The following MAST2 variants were observed in gnomAD, a reference collection of about 807,000 sequenced individuals.
The protein encoded by MAST2 is microtubule-associated serine/threonine-protein kinase 2.
Under a neutral mutation model 147.4 loss-of-function variants are expected in MAST2, and 70 were observed. That is an observed-to-expected ratio of 0.47 (90% CI 0.39 to 0.58). MAST2 has a LOEUF of 0.58. Among genes scored for constraint, MAST2 ranks in the 20% least tolerant of loss-of-function variants. The pLI, the probability that MAST2 is intolerant of heterozygous loss-of-function variation, is 0.00. For missense variants in MAST2, 2,080 were observed against 2,302.3 expected (o/e 0.90, Z 1.98); for synonymous variants, 869 against 896.8 (o/e 0.97, Z 0.55).
chr1:45,998,984 G>A (rs113427307), intron 6 of MAST2, among the ~76,000 whole-genome samples: 10,659 of 152,002 alleles, frequency 0.07, 502 homozygotes, highest in Middle Eastern at 0.11. Context: ...CACCCGCCTC[G>A]GCCTCCCAAA....
chr1:45,900,088 T>C (rs2148476137), intron 4 of MAST2, among the ~76,000 whole-genome samples: 1 of 148,274 alleles, frequency 6.7e-6, no homozygotes, highest in South Asian at 2.2e-4. Context: ...AAGAATTGCT[T>C]GTACCTGGGA....
chr1:45,834,332 G>C (rs1245092823), intron 3 of MAST2, among the ~76,000 whole-genome samples: 3 of 152,116 alleles, frequency 2.0e-5, no homozygotes, highest in African/African-American at 7.2e-5. Flanking sequence ...CCAGAGTCTG[G>C]AGAATAGATA....
intron 5 of MAST2, among the ~76,000 whole-genome samples, chr1:45,982,842 C>A (rs1042139295): frequency 3.3e-5 from 5 of 152,164 alleles, no homozygotes; most frequent in African/African-American, 1.2e-4. Flanking sequence ...GGACTTTGCT[C>A]TTAAACTGTG....
intron 3 of MAST2, chr1:45,865,066 T>A (rs1025960186): frequency 2.2e-6 from 1 of 455,772 alleles, no homozygotes. Context: ...TAGTTGACTG[T>A]CTGGGGAGTG....
At chr1:45,898,418 C>T (rs985164402) in intron 4 of MAST2, among the ~76,000 whole-genome samples, 4 of 152,186 alleles carry the variant, frequency 2.6e-5, no homozygotes, top group Admixed American at 2.6e-4. Flanking sequence ...CTCACTCTGT[C>T]CATTGTTGGA....
At chr1:45,831,554 G>A (rs1644956467) in intron 3 of MAST2, among the ~76,000 whole-genome samples, 1 of 152,030 alleles carries the variant, frequency 6.6e-6, no homozygotes, top group Non-Finnish European at 1.5e-5. Flanking sequence ...CAGAAAAATA[G>A]ACAGAATGGT....
At position 46,010,821 on chromosome 1, in the gene MAST2, T is replaced by G; in HGVS notation, c.1070T>G (p.Phe357Cys). The G allele has an allele frequency of 6.2e-7, 1 of 1,614,222 alleles. No individual in the cohort carries two copies. The highest frequency in any genetic ancestry group is 8.5e-7 in the Non-Finnish European group (1 of 1,180,038). ...VLPLADGALS[F>C]IHHQVIEMAR... ...CCCTTGGCAGATGGAGCCCTGAGCT[T>G]TATTCATCATCAGGTGATTGAGATG... The change falls in exon 10 of 29, where the codon TTT becomes TGT. Residue 357 changes from phenylalanine (F) to cysteine (C), a missense_variant. Phe to Cys is a radical substitution (Grantham distance 205). This residue lies in a region of MAST2 where 569 missense variants were observed against 642.5 expected (regional missense o/e 0.89). Coordinates refer to ENST00000361297, the MANE Select transcript of MAST2 (RefSeq NM_015112.3).
intron 1 of MAST2, among the ~76,000 whole-genome samples, chr1:45,809,100 T>C (rs1490935774): frequency 2.0e-5 from 3 of 152,244 alleles, no homozygotes. Flanking sequence ...ATTAGAAACA[T>C]AGATATTTGC....
chr1:45,879,380 T>C (rs908710682), intron 3 of MAST2, among the ~76,000 whole-genome samples: 26 of 152,038 alleles, frequency 1.7e-4, no homozygotes, highest in African/African-American at 6.3e-4. Context: ...CTAGACCAAC[T>C]TGACCAATAT....
intron 17 of MAST2, among the ~76,000 whole-genome samples, chr1:46,028,420 G>T (rs539921859): frequency 1.4e-4 from 22 of 152,298 alleles, no homozygotes; most frequent in African/African-American, 5.1e-4. Flanking sequence ...ATTTCAGGTT[G>T]TGACTGTTCA....
intron 4 of MAST2, among the ~76,000 whole-genome samples, chr1:45,898,379 C>T (rs926614794): frequency 4.6e-5 from 7 of 152,318 alleles, no homozygotes; most frequent in Non-Finnish European, 8.8e-5. Context: ...TTCTACTTCT[C>T]TATCAAACTA....
At chr1:45,987,688 T>C (rs941423492) in intron 5 of MAST2, among the ~76,000 whole-genome samples, 3 of 151,380 alleles carry the variant, frequency 2.0e-5, no homozygotes, top group African/African-American at 7.3e-5. Flanking sequence ...TTGGTCTTTA[T>C]GATTACCTTT....
At chr1:45,933,471 G>A (rs1266588585) in intron 4 of MAST2, among the ~76,000 whole-genome samples, 2 of 151,836 alleles carry the variant, frequency 1.3e-5, no homozygotes, top group Admixed American at 1.3e-4. Context: ...CGGGCACGGT[G>A]GCTCACGCCT....
chr1:45,860,606 C>T (rs538538796), intron 3 of MAST2, among the ~76,000 whole-genome samples: 1 of 152,024 alleles, frequency 6.6e-6, no homozygotes, highest in Non-Finnish European at 1.5e-5. Flanking sequence ...CCAAGGCAGG[C>T]GGATCACCTG....
chr1:45,851,325 A>G (rs906826952), intron 3 of MAST2, among the ~76,000 whole-genome samples: 3 of 152,142 alleles, frequency 2.0e-5, no homozygotes, highest in Non-Finnish European at 2.9e-5. Flanking sequence ...TTGCTTTTGT[A>G]TCTTAAAACT....
chr1:45,913,575 C>G (rs1208377090), intron 4 of MAST2: 2 of 989,992 alleles, frequency 2.0e-6, no homozygotes, highest in Non-Finnish European at 1.2e-6. Flanking sequence ...TCAGGCAGAT[C>G]AGAGGACAGC....
intron 5 of MAST2, among the ~76,000 whole-genome samples, chr1:45,978,227 A>G (rs566669775): frequency 6.6e-6 from 1 of 152,340 alleles, no homozygotes; most frequent in East Asian, 1.9e-4. Flanking sequence ...TGAAAATGCA[A>G]AAGAAGCTGG....
intron 4 of MAST2, among the ~76,000 whole-genome samples, chr1:45,889,782 T>A (rs1251555162): frequency 6.6e-6 from 1 of 151,988 alleles, no homozygotes; most frequent in East Asian, 1.9e-4. Context: ...ATTTTTTTTT[T>A]TTATTTTTAG....
At chr1:45,900,173 C>CA (rs59051138) in intron 4 of MAST2, among the ~76,000 whole-genome samples, 5,846 of 53,872 alleles carry the variant, frequency 0.11, 1,337 homozygotes, top group African/African-American at 0.45. Flanking sequence ...CTCTCTCTCT[C>CA]AAAAAAAAAA....
Sources: gnomAD v4.1 joint callset for allele counts (sites outside exome capture counted in the v4.1 genomes callset) on GRCh38, gnomAD v4.1.1 for gene constraint, gnomAD v4.1.1 regional missense constraint, MANE v1.5 for transcripts, NCBI Gene and HGNC (gene_info 2026-07-23, HGNC 2026-07-21) for gene names.